CHEK2: variants seen among roughly 807,000 people sequenced by gnomAD.
CHEK2 encodes serine/threonine-protein kinase Chk2.
Under a neutral mutation model 69.1 loss-of-function variants are expected in CHEK2, and 71 were observed. That is an observed-to-expected ratio of 1.03 (90% CI 0.85 to 1.25). The LOEUF is 1.25. Among genes scored for constraint, CHEK2 ranks in the 50% most tolerant of loss-of-function variants. The pLI is 0.00. For missense variants in CHEK2, 664 were observed against 649.6 expected (o/e 1.02, Z -0.24); for synonymous variants, 189 against 226.9 (o/e 0.83, Z 1.50).
chr22:28,711,151 TG>T (rs1378680744), intron 6 of CHEK2, among the ~76,000 whole-genome samples: 7 of 152,204 alleles, frequency 4.6e-5, no homozygotes, highest in African/African-American at 1.7e-4. Flanking sequence ...GAGTCACATG[TG>T]GAAAGACCAA....
At position 28,734,604 on chromosome 22, in the gene CHEK2, T is replaced by C. The variant is rs1601853229; in HGVS notation, c.118A>G (p.Ser40Gly). The change falls in exon 2 of 15, where the codon AGC (serine) becomes GGC (glycine). Residue 40 changes from serine (S) to glycine (G), a missense_variant. Transcript: ENST00000404276. Reference sequence around the variant, plus strand: ...TTTGGCATCGTGCTGGTAGAGGAGCTGGATATGCCCTGGGACTGTGAGGAG... The same window carrying C: ...TTTGGCATCGTGCTGGTAGAGGAGCCGGATATGCCCTGGGACTGTGAGGAG... ...GSSSQSQGISSSSTSTMPNSS... is the reference protein window; with the variant it reads ...GSSSQSQGISGSSTSTMPNSS... The C allele has an allele frequency of 6.2e-7, 1 of 1,613,832 alleles. No individual in the cohort carries two copies. The highest frequency in any genetic ancestry group is 8.5e-7 in the Non-Finnish European group (1 of 1,179,984).
At chr22:28,712,169 C>G in intron 5 of CHEK2, 152 bp from the exon 6 acceptor site, 1 of 674,878 alleles carries the variant, frequency 1.5e-6, no homozygotes, top group Non-Finnish European at 2.6e-6. Flanking sequence ...TGAAACTTCA[C>G]CAGTGTAAAA....
intron 5 of CHEK2, 27 bp downstream of exon 5, chr22:28,719,368 G>C (rs1353818122): frequency 7.7e-7 from 1 of 1,290,910 alleles, no homozygotes; most frequent in Non-Finnish European, 1.1e-6. Flanking sequence ...AAAAAATTAA[G>C]TGCATTTATA....
intron 4 of CHEK2, among the ~76,000 whole-genome samples, chr22:28,719,943 T>C (rs1014854262): frequency 2.0e-5 from 3 of 152,198 alleles, no homozygotes; most frequent in Non-Finnish European, 4.4e-5. Context: ...GGTATTATCA[T>C]CTCTCAGCCA....
At chr22:28,703,292 A>G (rs2052960340) in intron 8 of CHEK2, among the ~76,000 whole-genome samples, 1 of 152,190 alleles carries the variant, frequency 6.6e-6, no homozygotes, top group African/African-American at 2.4e-5. Context: ...TCATAGATCC[A>G]GGACCTGGAA....
rs1182200321 is a variant in CHEK2 at position 28,695,220 on chromosome 22, A to G, written c.1282T>C (p.Ser428Pro). ...AGTGACACTTGAGTCCTATGCTCAG[A>G]GAAAGGTGGATACCCACTAAGGCTT... ...FICLSGYPPF[S>P]EHRTQVSLKD... Residue 428 changes from serine to proline, a missense_variant, in exon 12 of 15, where the codon TCT (serine) becomes CCT (proline). Ser to Pro is a moderately conservative substitution (Grantham distance 74). Transcript: ENST00000404276. 1 of 1,610,400 alleles carries G rather than the reference A, an allele frequency of 6.2e-7. No homozygotes were observed. The highest frequency in any genetic ancestry group is 1.3e-5 in the African/African-American group (1 of 74,846).
intron 2 of CHEK2, among the ~76,000 whole-genome samples, chr22:28,727,375 T>C (rs1215270280): frequency 6.6e-6 from 1 of 152,166 alleles, no homozygotes; most frequent in Non-Finnish European, 1.5e-5. Context: ...ATTACTCACC[T>C]GTTATCATAA....
chr22:28,732,141 C>T (rs991758006), intron 2 of CHEK2, among the ~76,000 whole-genome samples: 6 of 151,180 alleles, frequency 4.0e-5, no homozygotes, highest in African/African-American at 9.7e-5. Flanking sequence ...GATGGAGTTT[C>T]GCTCTTGTTG....
intron 9 of CHEK2, 28 bp downstream of exon 9, chr22:28,699,810 T>C (rs771538985): frequency 6.9e-7 from 1 of 1,452,132 alleles, no homozygotes; most frequent in South Asian, 1.1e-5. Context: ...GAAAGGCAGC[T>C]GTCAAAAGAA....
rs2145784977 is a variant in CHEK2 at position 28,694,061 on chromosome 22, C to A, written c.1432G>T (p.Glu478Ter). Reference protein sequence around the residue: ...VVDPKARFTTEEALRHPWLQD... With the variant: ...VVDPKARFTT Reference sequence around the variant, plus strand: ...AGCCACGGGTGTCTTAAGGCTTCTTCTGTCGTAAAACGTGCCTTTGGATCC... The same window carrying A: ...AGCCACGGGTGTCTTAAGGCTTCTTATGTCGTAAAACGTGCCTTTGGATCC... The change falls in exon 13 of 15, where the codon GAA (glutamate) becomes TAA (stop). Residue 478 changes from glutamate to a stop codon, truncating the protein, a stop_gained. Transcript: ENST00000404276. LOFTEE classifies it high-confidence loss of function. 1 of 1,596,188 alleles carries A rather than the reference C, an allele frequency of 6.3e-7. No homozygotes were observed.
intron 8 of CHEK2, among the ~76,000 whole-genome samples, chr22:28,701,962 T>TTC (rs1221744952): frequency 6.6e-6 from 1 of 151,648 alleles, no homozygotes; most frequent in African/African-American, 2.4e-5. Flanking sequence ...CTATTTTTTT[T>TTC]TTTTTTGAGG....
At chr22:28,724,384 A>G (rs965372067) in intron 4 of CHEK2, among the ~76,000 whole-genome samples, 1 of 152,024 alleles carries the variant, frequency 6.6e-6, no homozygotes, top group Non-Finnish European at 1.5e-5. Flanking sequence ...ACTCCAGCCC[A>G]GGTGACAGTG....
intron 7 of CHEK2, among the ~76,000 whole-genome samples, chr22:28,707,993 C>A (rs574293908): frequency 6.6e-6 from 1 of 151,350 alleles, no homozygotes; most frequent in Non-Finnish European, 1.5e-5. Flanking sequence ...CCCGCCACCA[C>A]GCCCGGCTAA....
rs1057522814 is a variant in CHEK2 at position 28,696,893 on chromosome 22, T to C, written c.1095+8A>G. The C allele has an allele frequency of 3.8e-6, 6 of 1,593,098 alleles. No individual in the cohort carries two copies. The highest frequency in any genetic ancestry group is 5.2e-6 in the Non-Finnish European group (6 of 1,160,948). On this transcript the variant is annotated splice_region_variant and intron_variant, in intron 10 of 14. Coordinates refer to ENST00000404276, the MANE Select transcript of CHEK2 (RefSeq NM_007194.4). The stretch of plus-strand genomic sequence containing the variant: ...GGAATAGCCACATACAGAATGCCAA[T>C]TTCTTACCTTTATAAGACAGTCCTC...
chr22:28,692,846 C>T (rs1449979147), intron 13 of CHEK2, among the ~76,000 whole-genome samples: 3 of 152,182 alleles, frequency 2.0e-5, no homozygotes, highest in African/African-American at 4.8e-5. Context: ...AGGCTATTCT[C>T]GTGATAGTGA....
At chr22:28,720,411 A>G (rs1021967199) in intron 4 of CHEK2, among the ~76,000 whole-genome samples, 2 of 152,196 alleles carry the variant, frequency 1.3e-5, no homozygotes, top group Admixed American at 1.3e-4. Flanking sequence ...AAAGTAAAAC[A>G]ACTACTTTTT....
chr22:28,704,153 CA>C (rs2053012416), intron 7 of CHEK2, among the ~76,000 whole-genome samples: 5 of 151,692 alleles, frequency 3.3e-5, no homozygotes, highest in African/African-American at 9.7e-5. Flanking sequence ...CACACACACA[CA>C]CACACACACC....
intron 1 of CHEK2, among the ~76,000 whole-genome samples, chr22:28,740,673 C>T (rs1353880220): frequency 1.3e-5 from 2 of 152,158 alleles, no homozygotes; most frequent in South Asian, 2.1e-4. Context: ...CGGAAAATTG[C>T]TTCCTTGGGA....
chr22:28,734,024 T>C (rs738722), intron 2 of CHEK2, among the ~76,000 whole-genome samples: 103,048 of 151,918 alleles, frequency 0.68, 35,599 homozygotes, highest in South Asian at 0.84. Flanking sequence ...GCATAAGGCG[T>C]CAATCCACAC....
Sources: gnomAD v4.1 joint callset for allele counts (sites outside exome capture counted in the v4.1 genomes callset) on GRCh38, gnomAD v4.1.1 for gene constraint, MANE v1.5 for transcripts, NCBI Gene and HGNC (gene_info 2026-07-23, HGNC 2026-07-21) for gene names.